Variants in CDH4 observed in about 807,000 individuals in gnomAD.
The protein encoded by CDH4 is cadherin 4.
CDH4 carries 33 observed loss-of-function variants against 86.0 expected under a neutral mutation model. The observed-to-expected ratio is 0.38, with a 90% CI of 0.29 to 0.51. The LOEUF (loss-of-function observed/expected upper bound fraction) is 0.51. Ranked by LOEUF, CDH4 falls within the 20% of genes least tolerant of loss-of-function variation. CDH4 has a pLI of 0.86. For missense variants in CDH4, 1,114 were observed against 1,307.4 expected (o/e 0.85, Z 2.28); for synonymous variants, 555 against 549.4 (o/e 1.01, Z -0.14).
At chr20:61,414,941 C>G (rs1478049813) in intron 2 of CDH4, among the ~76,000 whole-genome samples, 1 of 152,228 alleles carries the variant, frequency 6.6e-6, no homozygotes, top group Non-Finnish European at 1.5e-5. Flanking sequence ...TGTGCCTCTC[C>G]ATGGACCGGA....
At chr20:61,264,189 C>T (rs1313977831) in intron 2 of CDH4, among the ~76,000 whole-genome samples, 3 of 152,148 alleles carry the variant, frequency 2.0e-5, no homozygotes, top group Non-Finnish European at 2.9e-5. Context: ...GTGGGAGTTT[C>T]CCACTGGCTT....
At position 61,777,611 on chromosome 20, in the gene CDH4, C is replaced by T. The variant is rs557905375; in HGVS notation, c.576+4429C>T. 3.3e-4 allele frequency among the ~76,000 whole-genome samples: 50 copies of T among 151,790 alleles called. 7 individuals carry two copies. Among genetic ancestry groups the T allele is most frequent in the Non-Finnish European group, 6.8e-4 (46 of 67,876 alleles). Reference sequence around the variant, plus strand: ...GTGCATGTGCACACACATCCACATGCGCACACACGTGCATACAAAAACACA... The same window carrying T: ...GTGCATGTGCACACACATCCACATGTGCACACACGTGCATACAAAAACACA... On this transcript the variant is annotated intron_variant, in intron 4 of 15. Transcript: ENST00000614565.
At chr20:61,539,779 GGGACACGCCAGC>G (rs1286493171) in intron 2 of CDH4, among the ~76,000 whole-genome samples, 4 of 152,368 alleles carry the variant, frequency 2.6e-5, no homozygotes, top group African/African-American at 9.6e-5. Context: ...GAGCAGAGCA[GGGACACGCCAGC>G]TCTTGACCTC....
intron 2 of CDH4, among the ~76,000 whole-genome samples, chr20:61,396,500 T>A (rs1446876896): frequency 4.6e-5 from 7 of 152,186 alleles, no homozygotes; most frequent in Admixed American, 4.6e-4. Context: ...TGCTGCCCCC[T>A]CACAGCACAG....
chr20:61,324,202 A>G (rs1464293953), intron 2 of CDH4, among the ~76,000 whole-genome samples: 1 of 152,146 alleles, frequency 6.6e-6, no homozygotes, highest in African/African-American at 2.4e-5. Context: ...GCAGAGGGCC[A>G]GGGATGCTGG....
At chr20:61,477,886 C>T (rs1397156434) in intron 2 of CDH4, among the ~76,000 whole-genome samples, 1 of 152,186 alleles carries the variant, frequency 6.6e-6, no homozygotes, top group East Asian at 1.9e-4. Context: ...CCTTCTCATT[C>T]TGTAGAAGGT....
Position 61,493,839 on chromosome 20 carries a change from G to T in CDH4, c.169+238902G>T, listed in dbSNP as rs1031187549. On this transcript the variant is annotated intron_variant, in intron 2 of 15. Transcript: ENST00000614565. Reference sequence around the variant, plus strand: ...CAGACCCAGTGTGGATTCCGCTACAGGTGGCCCCCACCCCAGTCCTGGGAG... The same window carrying T: ...CAGACCCAGTGTGGATTCCGCTACATGTGGCCCCCACCCCAGTCCTGGGAG... Among the ~76,000 whole-genome samples the T allele has an allele frequency of 1.3e-5, 2 of 152,226 alleles. 1 individual carries two copies. Among genetic ancestry groups the T allele is most frequent in the Admixed American group, 1.3e-4 (2 of 15,288 alleles).
At chr20:61,892,386 G>C (rs1356236912) in intron 7 of CDH4, among the ~76,000 whole-genome samples, 2 of 152,252 alleles carry the variant, frequency 1.3e-5, no homozygotes, top group Non-Finnish European at 2.9e-5. Flanking sequence ...TGATGGATGA[G>C]ACAGCCATGG....
chr20:61,692,402 A>G (rs2087669794), intron 2 of CDH4, among the ~76,000 whole-genome samples: 1 of 152,204 alleles, frequency 6.6e-6, no homozygotes, highest in Non-Finnish European at 1.5e-5. Flanking sequence ...AAAGGCATCA[A>G]GGTATTTTAT....
intron 2 of CDH4, among the ~76,000 whole-genome samples, chr20:61,455,661 G>T (rs1244878799): frequency 6.6e-6 from 1 of 152,126 alleles, no homozygotes; most frequent in Non-Finnish European, 1.5e-5. Context: ...TCACTGCCCC[G>T]GCCTGTGCCC....
intron 2 of CDH4, among the ~76,000 whole-genome samples, chr20:61,559,336 T>C (rs1022158694): frequency 2.0e-5 from 3 of 151,788 alleles, no homozygotes; most frequent in Non-Finnish European, 4.4e-5. Flanking sequence ...GAAAAAAATT[T>C]TTAAAAAGTA....
At chr20:61,755,491 A>G (rs1459617655) in intron 3 of CDH4, among the ~76,000 whole-genome samples, 1 of 147,054 alleles carries the variant, frequency 6.8e-6, no homozygotes, top group Non-Finnish European at 1.5e-5. Flanking sequence ...AGTGCACATC[A>G]CACACCACAC....
intron 2 of CDH4, among the ~76,000 whole-genome samples, chr20:61,315,226 G>A (rs2084469886): frequency 6.6e-6 from 1 of 152,092 alleles, no homozygotes; most frequent in Admixed American, 6.6e-5. Context: ...TGATCTGGAT[G>A]GGGTCAGTGA....
intron 6 of CDH4, among the ~76,000 whole-genome samples, chr20:61,860,039 T>G (rs530949063): frequency 1.2e-4 from 18 of 152,384 alleles, no homozygotes; most frequent in Admixed American, 9.8e-4. Context: ...ACAAGGACAG[T>G]GCCTGCCTCA....
At chr20:61,484,220 A>C (rs535035699) in intron 2 of CDH4, among the ~76,000 whole-genome samples, 19 of 152,258 alleles carry the variant, frequency 1.2e-4, no homozygotes, top group African/African-American at 4.6e-4. Context: ...ACCTCCCCTC[A>C]GAACAAAAAC....
In CDH4 at chr20:61,544,196, C is replaced by A. The variant is rs2086060203; in HGVS notation, c.170-199367C>A. On this transcript the variant is annotated intron_variant, in intron 2 of 15. Coordinates refer to ENST00000614565, the MANE Select transcript of CDH4 (RefSeq NM_001794.5). This position sits in a 1 kb window ranked among gnomAD's most constrained non-coding sequence, Gnocchi z 6.5. ...GGTTCTCTTTCAGAGATGATGCTGC[C>A]CCGTCTCCCCAGGGGACCTCGGCAA... Among the ~76,000 whole-genome samples the A allele has an allele frequency of 6.6e-6, 1 of 152,288 alleles. No individual in the cohort carries two copies. Among genetic ancestry groups the A allele is most frequent in the East Asian group, 1.9e-4 (1 of 5,158 alleles).
At chr20:61,736,660 AGG>A (rs1568786839) in intron 2 of CDH4, among the ~76,000 whole-genome samples, 3 of 77,084 alleles carry the variant, frequency 3.9e-5, no homozygotes, top group Admixed American at 1.4e-4. Context: ...AGAGAGAGAG[AGG>A]GAGAGAGAGG....
At chr20:61,755,105 C>T (rs554612767) in intron 3 of CDH4, 10 of 152,274 alleles carry the variant, frequency 6.6e-5, no homozygotes, top group African/African-American at 1.4e-4. Context: ...CTGATAAACC[C>T]ATCAGATCTT....
intron 4 of CDH4, among the ~76,000 whole-genome samples, chr20:61,815,953 G>T (rs1980694170): frequency 6.6e-6 from 1 of 152,188 alleles, no homozygotes; most frequent in Admixed American, 6.5e-5. Flanking sequence ...ATTTACAAAA[G>T]AAGGTTTAAG....
Sources: allele counts gnomAD v4.1 joint callset (sites outside exome capture counted in the v4.1 genomes callset), GRCh38; gene constraint gnomAD v4.1.1; non-coding constraint Gnocchi (gnomAD v3.1); transcripts MANE v1.5; gene names NCBI Gene and HGNC (gene_info 2026-07-23, HGNC 2026-07-21).